The following FBXO21 variants were observed in gnomAD, a reference collection of about 807,000 sequenced individuals.
FBXO21 encodes the protein F-box only protein 21.
In FBXO21, 32 loss-of-function variants were observed where a neutral mutation model predicts 76.6. That is an observed-to-expected ratio of 0.42 (90% confidence interval 0.32 to 0.56). The LOEUF (loss-of-function observed/expected upper bound fraction) is 0.56. FBXO21 is among the 20% of genes least tolerant of loss of function. The pLI is 0.16. For missense variants in FBXO21, 586 were observed against 797.3 expected, an observed-to-expected ratio of 0.73 and a Z score of 3.19; for synonymous variants, 328 against 311.5, an observed-to-expected ratio of 1.05 and a Z score of -0.56.
intron 11 of FBXO21, among the ~76,000 whole-genome samples, chr12:117,154,568 G>A (rs149865603): frequency 2.6e-5 from 4 of 152,160 alleles, no homozygotes; most frequent in African/African-American, 9.6e-5. Flanking sequence ...AAATTTTTTT[G>A]TAGAGATGGG....
At chr12:117,166,856 CAT>C in intron 8 of FBXO21, 40 bp downstream of exon 8, 1 of 1,565,554 alleles carries the variant, frequency 6.4e-7, no homozygotes, top group Non-Finnish European at 8.8e-7. Flanking sequence ...CCTCTAAAGA[CAT>C]GTGCTCTGCA....
chr12:117,167,572 A>T (rs1402342970), intron 7 of FBXO21, among the ~76,000 whole-genome samples: 1 of 137,556 alleles, frequency 7.3e-6, no homozygotes, highest in Non-Finnish European at 1.6e-5. Context: ...ACACGGTGAA[A>T]CCCGGTCTCT....
intron 2 of FBXO21, among the ~76,000 whole-genome samples, chr12:117,187,112 G>T (rs1034763081): frequency 6.6e-6 from 1 of 151,302 alleles, no homozygotes. Context: ...ATGAAACTCC[G>T]TTTTAAAAAA....
At chr12:117,179,966 G>C (rs1308469896) in intron 3 of FBXO21, among the ~76,000 whole-genome samples, 2 of 151,418 alleles carry the variant, frequency 1.3e-5, no homozygotes, top group African/African-American at 4.8e-5. Context: ...TAATTTTTTA[G>C]TATTATGGAC....
chr12:117,146,477 G>A (rs771808614), intron 11 of FBXO21, among the ~76,000 whole-genome samples, 200 bp from the exon 12 acceptor site: 3 of 152,152 alleles, frequency 2.0e-5, no homozygotes, highest in African/African-American at 7.2e-5. Context: ...GTGGTGGCAC[G>A]GGTGTCTCAA....
intron 3 of FBXO21, among the ~76,000 whole-genome samples, chr12:117,181,199 A>G (rs919790776): frequency 6.6e-6 from 1 of 152,152 alleles, no homozygotes; most frequent in Non-Finnish European, 1.5e-5. Flanking sequence ...TCTCTCAGGA[A>G]GGACTGAAAA....
chr12:117,151,220 G>T (rs377042917), intron 11 of FBXO21, among the ~76,000 whole-genome samples: 3 of 152,140 alleles, frequency 2.0e-5, no homozygotes, highest in Non-Finnish European at 4.4e-5. Flanking sequence ...CTTCCGAGAA[G>T]TCCAGAAGGA....
chr12:117,179,444 C>T (rs978686558), intron 3 of FBXO21, among the ~76,000 whole-genome samples: 8 of 152,120 alleles, frequency 5.3e-5, no homozygotes, highest in Non-Finnish European at 1.0e-4. Context: ...CTACAGGATC[C>T]TCCTCCATCT....
chr12:117,152,817 A>G lies in FBXO21; in HGVS notation c.1675+2974T>C, dbSNP rs143712375. 5.3e-5 allele frequency among the ~76,000 whole-genome samples: 8 copies of G among 152,326 alleles called. No individual in the cohort carries two copies. In the East Asian group the frequency reaches 7.7e-4, roughly 15 times the overall value. ...AATATTCTTTCAAATGGTGCAGGAA[A>G]ACAGTAAAATCTCTATAGATAAAGC... is the stretch of plus-strand genomic sequence containing the variant. On this transcript the variant is annotated intron_variant, in intron 11 of 11. Transcript: ENST00000622495.
In FBXO21 at chr12:117,168,531, T is replaced by A. The variant is rs530399966; in HGVS notation, c.1014-1454A>T. Among the ~76,000 whole-genome samples the A allele has an allele frequency of 1.7e-3, 241 of 145,722 alleles. 1 individual carries two copies. Among genetic ancestry groups the A allele is most frequent in the African/African-American group, 5.8e-3 (228 of 39,610 alleles). On this transcript the variant is annotated intron_variant, in intron 7 of 11. Coordinates refer to ENST00000622495, the MANE Select transcript of FBXO21 (RefSeq NM_015002.3). ...AAAGTGAGACTCCATCTCAAAAAAA[T>A]AAAAAAAAATAAAATAAATAAACCT...
chr12:117,161,133 G>A lies in FBXO21; in HGVS notation c.1327-3070C>T, dbSNP rs752360317. Among the ~76,000 whole-genome samples, 7 of 152,078 alleles carry A rather than the reference G, an allele frequency of 4.6e-5. No individual in the cohort carries two copies. The East Asian group carries it at 7.7e-4, about 17-fold the overall frequency. ...CTCTAGGAAGGGCAAGCACAGGAAC[G>A]ACGGGAAAACATGACCTGGCCGCAC... On this transcript the variant is annotated intron_variant, in intron 9 of 11. Transcript: ENST00000622495.
chr12:117,172,379 T>C (rs1252831801), intron 7 of FBXO21, 92 bp downstream of exon 7: 5 of 1,446,084 alleles, frequency 3.5e-6, no homozygotes, highest in African/African-American at 2.8e-5. Context: ...ACCTGTGTGG[T>C]AACACCCAAC....
intron 7 of FBXO21, among the ~76,000 whole-genome samples, chr12:117,167,929 G>A (rs951276808): frequency 1.3e-5 from 2 of 152,116 alleles, no homozygotes; most frequent in African/African-American, 2.4e-5. Flanking sequence ...CAGCTCTTCT[G>A]CTTTCTGTGA....
In FBXO21 at chr12:117,171,357, CAAAAAAAAAAA is replaced by C. The variant is rs57835444; in HGVS notation, c.1013+1103_1013+1113del. ...TGGGTGGCACAGCCAGACCCTGTCT[CAAAAAAAAAAA>C]AAAAAAAAAAAAAGAAATAACAAAC... On this transcript the variant is annotated intron_variant, in intron 7 of 11. Transcript: ENST00000622495. Among the ~76,000 whole-genome samples the C allele has an allele frequency of 8.9e-4, 47 of 52,664 alleles. No homozygotes were observed. In the South Asian group the frequency reaches 0.013, roughly 14 times the overall value. 34.5% of individuals were successfully genotyped at this position (52,664 alleles called of 152,430 possible). A position where few individuals can be genotyped will look rare whatever the true frequency, so the allele number is the denominator to read the frequency against.
At position 117,153,732 on chromosome 12, in the gene FBXO21, C is replaced by T. The variant is rs192791405; in HGVS notation, c.1675+2059G>A. Reference sequence around the variant, plus strand: ...CGCTGATGGAGCCGCCGGCAGAAGACGGGAACTCTCATAGTGTAGGAACAG... The same window carrying T: ...CGCTGATGGAGCCGCCGGCAGAAGATGGGAACTCTCATAGTGTAGGAACAG... On this transcript the variant is annotated intron_variant, in intron 11 of 11. Transcript: ENST00000622495. Among the ~76,000 whole-genome samples, 5 of 152,368 alleles carry T rather than the reference C, an allele frequency of 3.3e-5. No individual in the cohort carries two copies. In the East Asian group the frequency reaches 5.8e-4, roughly 18 times the overall value.
At chr12:117,183,178 G>A (rs976293934) in intron 3 of FBXO21, among the ~76,000 whole-genome samples, 32 of 151,890 alleles carry the variant, frequency 2.1e-4, no homozygotes, top group African/African-American at 7.5e-4. Flanking sequence ...TATAATATAT[G>A]TCTTTACTAG....
At chr12:117,174,882 C>T in intron 4 of FBXO21, 85 bp from the exon 5 acceptor site, 1 of 1,417,174 alleles carries the variant, frequency 7.1e-7, no homozygotes, top group South Asian at 1.3e-5. Context: ...CATCCTGGGA[C>T]ATGGCTCTTT....
At position 117,145,885 on chromosome 12, in the gene FBXO21, G is replaced by T. The variant is rs1955763570; in HGVS notation, c.*202C>A. On this transcript the variant is annotated 3_prime_UTR_variant, in exon 12 of 12. Transcript: ENST00000622495. ...CAGTGCCTTTCAGATTAATTCACTA[G>T]TGTAGGCGGAGAGCAACATTGTCTT... The T allele has an allele frequency of 2.1e-6, 1 of 475,456 alleles. No individual in the cohort carries two copies. Among genetic ancestry groups the T allele is most frequent in the African/African-American group, 2.0e-5 (1 of 50,970 alleles). The allele number at this position is 475,456 out of a possible 1,614,324, so 29.5% of individuals were successfully genotyped here.
rs1955739923 is a variant in FBXO21 at position 117,143,851 on chromosome 12, G to C, written c.*2236C>G. Reference sequence around the variant, plus strand: ...TCTTGGCATTCATTTGAAGAGAAAAGAAGTTGCTATATCCAAATATTTAAC... The same window carrying C: ...TCTTGGCATTCATTTGAAGAGAAAACAAGTTGCTATATCCAAATATTTAAC... On this transcript the variant is annotated 3_prime_UTR_variant, in exon 12 of 12. Transcript: ENST00000622495. 2 of 152,632 alleles carry C rather than the reference G, an allele frequency of 1.3e-5. No homozygotes were observed. The highest frequency in any genetic ancestry group is 2.9e-5 in the Non-Finnish European group (2 of 68,030). 9.5% of individuals were successfully genotyped at this position (152,632 alleles called of 1,614,324 possible).
Sources: gnomAD v4.1 joint callset for allele counts (sites outside exome capture counted in the v4.1 genomes callset) on GRCh38, gnomAD v4.1.1 for gene constraint, MANE v1.5 for transcripts, NCBI Gene and HGNC (gene_info 2026-07-23, HGNC 2026-07-21) for gene names.